FRMPD3: variants seen among roughly 807,000 people sequenced by gnomAD.
The protein encoded by FRMPD3 is FERM and PDZ domain containing 3.
Under a neutral mutation model 97.9 loss-of-function variants are expected in FRMPD3, and 42 were observed. The observed-to-expected ratio is 0.43, with a 90% CI of 0.34 to 0.55. The LOEUF (loss-of-function observed/expected upper bound fraction) is 0.55, where lower values mean the gene tolerates loss of function less well. FRMPD3 is among the 20% of genes least tolerant of loss of function. The probability of loss-of-function intolerance (pLI) is 0.03; values close to 1 mark genes in which losing one functional copy is unlikely to be tolerated. For missense variants in FRMPD3, 1,303 were observed against 1,457.7 expected (o/e 0.89, Z 1.73); for synonymous variants, 577 against 581.1 (o/e 0.99, Z 0.10).
chrX:107,537,574 C>A (rs752136195), intron 4 of FRMPD3, among the ~76,000 whole-genome samples: 4 of 111,714 alleles, frequency 3.6e-5, no homozygotes, highest in African/African-American at 1.3e-4. Flanking sequence ...TCTTGAAGGC[C>A]TCCTAGTTGT....
chrX:107,587,551 T>C (rs1050416959), intron 13 of FRMPD3, among the ~76,000 whole-genome samples: 14 of 111,825 alleles, frequency 1.3e-4, no homozygotes, highest in African/African-American at 4.2e-4. Context: ...ATGTCATTGG[T>C]CTTTATATTT....
chrX:107,508,440 CT>C (rs1017351206), intron 1 of FRMPD3, among the ~76,000 whole-genome samples: 1 of 112,216 alleles, frequency 8.9e-6, no homozygotes, highest in African/African-American at 3.2e-5. Flanking sequence ...TGAGCACTTA[CT>C]TTGCACCAGC....
At chrX:107,477,606 A>G (rs1379482667) in intron 1 of FRMPD3, among the ~76,000 whole-genome samples, 1 of 112,620 alleles carries the variant, frequency 8.9e-6, no homozygotes, top group Non-Finnish European at 1.9e-5. Context: ...AGATCCCAGT[A>G]AAAGGGAGAT....
intron 8 of FRMPD3, among the ~76,000 whole-genome samples, chrX:107,559,694 C>G (rs1922260312): frequency 9.0e-6 from 1 of 111,288 alleles, no homozygotes; most frequent in South Asian, 3.9e-4. Context: ...GCCAGTAGTT[C>G]CTGGAGACCT....
At chrX:107,599,806 C>T (rs1193416468) in intron 14 of FRMPD3, among the ~76,000 whole-genome samples, 1 of 110,092 alleles carries the variant, frequency 9.1e-6, no homozygotes, top group African/African-American at 3.3e-5. Context: ...CCCCTCCCCT[C>T]CACTCTTCCC....
intron 4 of FRMPD3, among the ~76,000 whole-genome samples, chrX:107,538,209 T>G (rs1179583927): frequency 9.0e-6 from 1 of 111,707 alleles, no homozygotes; most frequent in East Asian, 2.8e-4. Flanking sequence ...CCATAATTTA[T>G]GTGAAATATT....
intron 1 of FRMPD3, among the ~76,000 whole-genome samples, chrX:107,502,001 A>G (rs769908008): frequency 1.7e-3 from 193 of 110,577 alleles, no homozygotes; most frequent in African/African-American, 5.8e-3. Context: ...TCCACAGGGG[A>G]GGGCACATTA....
At chrX:107,587,874 A>C (rs1356081820) in intron 13 of FRMPD3, among the ~76,000 whole-genome samples, 7 of 111,310 alleles carry the variant, frequency 6.3e-5, no homozygotes, top group Middle Eastern at 4.3e-3. Context: ...CCCAGGGTTC[A>C]AGTGATTCTC....
chrX:107,516,969 G>A (rs1415557151), intron 1 of FRMPD3, among the ~76,000 whole-genome samples: 38 of 111,588 alleles, frequency 3.4e-4, no homozygotes, highest in Non-Finnish European at 1.9e-5. Flanking sequence ...TGTCCTGAAT[G>A]GTATTGCCTA....
intron 4 of FRMPD3, among the ~76,000 whole-genome samples, chrX:107,535,357 G>A (rs1923178426): frequency 9.0e-6 from 1 of 111,571 alleles, no homozygotes; most frequent in African/African-American, 3.3e-5. Flanking sequence ...GTTTCTCCCA[G>A]TGGTTATATC....
chrX:107,466,173 A>C (rs978562944), intron 1 of FRMPD3, among the ~76,000 whole-genome samples: 1 of 112,681 alleles, frequency 8.9e-6, no homozygotes, highest in Non-Finnish European at 1.9e-5. Context: ...GACTCAATGC[A>C]CCCAACGTTC....
intron 1 of FRMPD3, among the ~76,000 whole-genome samples, chrX:107,462,435 C>A (rs962171182): frequency 8.9e-6 from 1 of 112,025 alleles, no homozygotes; most frequent in African/African-American, 3.2e-5. Flanking sequence ...ATCTTCCGCA[C>A]CCTCCACCAT....
intron 1 of FRMPD3, among the ~76,000 whole-genome samples, chrX:107,507,459 C>T (rs548764721): frequency 1.8e-5 from 2 of 110,562 alleles, no homozygotes; most frequent in South Asian, 7.9e-4. Flanking sequence ...GGCGGCCCCT[C>T]TGAGTGCTAG....
In FRMPD3 at chrX:107,537,464, G is replaced by A. The variant is rs1034827280; in HGVS notation, c.297+3914G>A. Among the ~76,000 whole-genome samples, 8 of 111,696 alleles carry A rather than the reference G, an allele frequency of 7.2e-5. No homozygotes were observed. In the East Asian group the frequency reaches 8.4e-4, roughly 12 times the overall value. On this transcript the variant is annotated intron_variant, in intron 4 of 14. Transcript: ENST00000683843. ...AAATCCTTGGAGCATAGAAGTGGAC[G>A]AGTACACACACACGGGGCTAATTGT... is the stretch of plus-strand genomic sequence containing the variant.
intron 2 of FRMPD3, among the ~76,000 whole-genome samples, chrX:107,528,065 A>C (rs1433513728): frequency 9.0e-6 from 1 of 111,319 alleles, no homozygotes; most frequent in Non-Finnish European, 1.9e-5. Flanking sequence ...AGAGGGGTTC[A>C]GCTGCCAAAG....
intron 13 of FRMPD3, among the ~76,000 whole-genome samples, chrX:107,584,984 A>G (rs1923579001): frequency 8.9e-6 from 1 of 112,163 alleles, no homozygotes; most frequent in Non-Finnish European, 1.9e-5. Flanking sequence ...AGTGAAGTAC[A>G]TCAATGGTAG....
At chrX:107,542,337 C>A (rs950882472) in intron 4 of FRMPD3, among the ~76,000 whole-genome samples, 2 of 112,070 alleles carry the variant, frequency 1.8e-5, no homozygotes, top group African/African-American at 6.5e-5. Flanking sequence ...CAACAAATTG[C>A]CCCTTTGGCT....
intron 8 of FRMPD3, 144 bp from the exon 9 acceptor site, chrX:107,560,113 C>T (rs1922279124): frequency 4.4e-6 from 3 of 676,037 alleles, no homozygotes; most frequent in Non-Finnish European, 6.6e-6. Context: ...TGTCTCTTCT[C>T]CAAGGGGAGC....
rs1201202558 is a variant in FRMPD3, at chrX:107,603,202, A to G, written c.5163A>G (p.Gln1721=). The G allele has an allele frequency of 3.4e-6, 4 of 1,177,772 alleles. No individual in the cohort carries two copies. Among genetic ancestry groups the G allele is most frequent in the African/African-American group, 1.8e-5 (1 of 56,760 alleles). The part of the protein sequence containing the change: ...TARNLNQQQQ[Q]QQQQQQQQQQ... ...GTAACCTTAACCAGCAGCAGCAGCA[A>G]CAACAACAGCAGCAGCAGCAACAAC... is the stretch of plus-strand genomic sequence containing the variant. The change falls in exon 15 of 15, where the codon CAA becomes CAG. Residue 1721 remains glutamine (Q), a synonymous_variant. Transcript: ENST00000683843.
Sources: allele counts gnomAD v4.1 joint callset (sites outside exome capture counted in the v4.1 genomes callset), GRCh38; gene constraint gnomAD v4.1.1; transcripts MANE v1.5; gene names NCBI Gene and HGNC (gene_info 2026-07-23, HGNC 2026-07-21).